SMG6: variants seen among roughly 807,000 people sequenced by gnomAD.
SMG6 encodes the protein SMG6 nonsense mediated mRNA decay factor, also known as telomerase-binding protein EST1A.
In SMG6, 66 loss-of-function variants were observed where a neutral mutation model predicts 142.2. That is an observed-to-expected ratio of 0.46 (90% CI 0.38 to 0.57). The LOEUF is 0.57. Among genes scored for constraint, SMG6 ranks in the 20% least tolerant of loss-of-function variants. The pLI, the probability that SMG6 is intolerant of heterozygous loss-of-function variation, is 0.00. For synonymous variants in SMG6, 779 were observed against 702.4 expected (o/e 1.11, Z -1.72); for missense variants, 1,793 against 1,832.0 (o/e 0.98, Z 0.39).
rs527533546 is a variant in SMG6, at chr17:2,236,570, G to C, written c.2791C>G (p.Pro931Ala). The C allele has an allele frequency of 1.2e-6, 2 of 1,613,664 alleles. No individual in the cohort carries two copies. Among genetic ancestry groups the C allele is most frequent in the Admixed American group, 1.7e-5 (1 of 59,948 alleles). Residue 931 changes from proline (P) to alanine (A), a missense_variant, in exon 10 of 19, where the codon CCC becomes GCC. This residue lies in a region of SMG6 where 1,597 missense variants were observed against 1,584.6 expected (regional missense o/e 1.01). Transcript: ENST00000263073. ...KEFQVLLQHS[P>A]SPIGSTRMLQ... The stretch of plus-strand genomic sequence containing the variant: ...ATGCGGGTACTTCCAATGGGAGAGG[G>C]GCTGTGCTGCAGTAACACCTGGAAC...
intron 8 of SMG6, 46 bp downstream of exon 8, chr17:2,282,601 G>A: frequency 6.3e-7 from 1 of 1,590,886 alleles, no homozygotes; most frequent in Non-Finnish European, 8.6e-7. Flanking sequence ...GGGCACCCAG[G>A]CTTACTGAGC....
At chr17:2,208,161 A>G (rs1354937523) in intron 10 of SMG6, among the ~76,000 whole-genome samples, 1 of 152,162 alleles carries the variant, frequency 6.6e-6, no homozygotes, top group South Asian at 2.1e-4. Flanking sequence ...AGGGTCCCAC[A>G]TCAAAAGATG....
At chr17:2,250,086 G>C (rs2074013167) in intron 8 of SMG6, among the ~76,000 whole-genome samples, 1 of 152,324 alleles carries the variant, frequency 6.6e-6, no homozygotes, top group African/African-American at 2.4e-5. Context: ...CACAAGCCTT[G>C]AAAGTTATCA....
intron 13 of SMG6, among the ~76,000 whole-genome samples, chr17:2,095,942 G>A (rs2068844272): frequency 6.6e-6 from 1 of 150,876 alleles, no homozygotes; most frequent in South Asian, 2.1e-4. Flanking sequence ...TACCCTGCAG[G>A]CTGTCTGCTT....
At chr17:2,283,505 A>C (rs921068051) in intron 7 of SMG6, 120 bp downstream of exon 7, 2 of 776,208 alleles carry the variant, frequency 2.6e-6, no homozygotes, top group Non-Finnish European at 4.5e-6. Context: ...CTGAGCAATA[A>C]CTGCACCTTG....
At position 2,255,599 on chromosome 17, in the gene SMG6, G is replaced by A. The variant is rs562468315; in HGVS notation, c.2662-10880C>T. The A allele has an allele frequency of 1.5e-4, 24 of 157,588 alleles. No individual in the cohort carries two copies. In the East Asian group the frequency reaches 2.8e-3, roughly 18 times the overall value. The allele number at this position is 157,588 out of a possible 1,614,324, so 9.8% of individuals were successfully genotyped here. A position where few individuals can be genotyped will look rare whatever the true frequency, so the allele number is the denominator to read the frequency against. ...CTCCGCCCGGCCAGCCGCCCCGTCCGGGAGGTGGGGGGCACCTCTGCCCGG... is the reference window on the plus strand; with the variant it reads ...CTCCGCCCGGCCAGCCGCCCCGTCCAGGAGGTGGGGGGCACCTCTGCCCGG... On this transcript the variant is annotated intron_variant, in intron 8 of 18. Transcript: ENST00000263073.
At chr17:2,103,572 T>C (rs1027720034) in intron 13 of SMG6, among the ~76,000 whole-genome samples, 2 of 152,226 alleles carry the variant, frequency 1.3e-5, no homozygotes, top group African/African-American at 4.8e-5. Context: ...AGACTTATAC[T>C]GATGTTTTAA....
chr17:2,100,060 C>CA (rs1274784138), intron 13 of SMG6, among the ~76,000 whole-genome samples: 1 of 140,846 alleles, frequency 7.1e-6, no homozygotes, highest in African/African-American at 2.7e-5. Flanking sequence ...TTTTTCGAGA[C>CA]AGTGTCTTGC....
At chr17:2,083,280 T>C (rs1327340587) in intron 14 of SMG6, among the ~76,000 whole-genome samples, 1 of 152,176 alleles carries the variant, frequency 6.6e-6, no homozygotes, top group Non-Finnish European at 1.5e-5. Flanking sequence ...ATGGAATCTC[T>C]TGACTGAAAG....
At chr17:2,104,372 A>G (rs2069097310) in intron 13 of SMG6, among the ~76,000 whole-genome samples, 1 of 152,208 alleles carries the variant, frequency 6.6e-6, no homozygotes, top group Admixed American at 6.5e-5. Flanking sequence ...CTGGGATTAC[A>G]AGCTTGAGCC....
At chr17:2,157,195 G>C (rs564876612) in intron 13 of SMG6, among the ~76,000 whole-genome samples, 54 of 152,272 alleles carry the variant, frequency 3.5e-4, no homozygotes, top group Middle Eastern at 3.4e-3. Context: ...AAAAACTCTG[G>C]CAAGATTAGG....
intron 13 of SMG6, among the ~76,000 whole-genome samples, chr17:2,156,249 C>T (rs1231234945): frequency 6.6e-6 from 1 of 150,830 alleles, no homozygotes; most frequent in South Asian, 2.1e-4. Context: ...AAAAATTAGC[C>T]GGGCGTGGTC....
At chr17:2,303,105 G>A (rs2075321338) in intron 1 of SMG6, 1 of 985,452 alleles carries the variant, frequency 1.0e-6, no homozygotes. Flanking sequence ...GGCCAAACCC[G>A]AGTAGTCTGA....
intron 12 of SMG6, among the ~76,000 whole-genome samples, chr17:2,178,170 AC>A (rs1256301588): frequency 6.6e-6 from 1 of 152,224 alleles, no homozygotes; most frequent in Non-Finnish European, 1.5e-5. Flanking sequence ...TGATTCTGGT[AC>A]CTCAGTGCTA....
At chr17:2,198,309 A>G (rs73979425) in intron 10 of SMG6, among the ~76,000 whole-genome samples, 2,590 of 152,300 alleles carry the variant, frequency 0.017, 69 homozygotes, top group African/African-American at 0.058. Context: ...TGGAAAACAG[A>G]TTAGTGGTTG....
chr17:2,188,961 C>T (rs1352879207), intron 10 of SMG6, among the ~76,000 whole-genome samples: 1 of 152,176 alleles, frequency 6.6e-6, no homozygotes, highest in Non-Finnish European at 1.5e-5. Context: ...TGCCATACCA[C>T]CCTGAACGCG....
intron 8 of SMG6, among the ~76,000 whole-genome samples, chr17:2,266,942 T>C (rs2074434602): frequency 6.6e-6 from 1 of 152,120 alleles, no homozygotes; most frequent in African/African-American, 2.4e-5. Flanking sequence ...TCTGACCTTC[T>C]TTGAGGATCC....
chr17:2,245,919 A>G (rs531081904), intron 8 of SMG6, among the ~76,000 whole-genome samples: 6 of 152,324 alleles, frequency 3.9e-5, no homozygotes, highest in Admixed American at 2.6e-4. Flanking sequence ...GGCTCAAGCA[A>G]TCCTCCTGCC....
Position 2,297,109 on chromosome 17 carries a change from T to G in SMG6, c.2151+134A>C. 5 of 536,662 alleles carry G rather than the reference T, an allele frequency of 9.3e-6. No individual in the cohort carries two copies. The South Asian group carries it at 1.8e-4, about 19-fold the overall frequency. The allele number at this position is 536,662 out of a possible 1,614,324, so 33.2% of individuals were successfully genotyped here. ...TATGACATTACAATTGTTGGTTTAA[T>G]CTATCTGTCCCTGCACTGAACTGTA... is the stretch of plus-strand genomic sequence containing the variant. On this transcript the variant is annotated intron_variant, in intron 4 of 18. Coordinates refer to ENST00000263073, the MANE Select transcript of SMG6 (RefSeq NM_017575.5).
Sources: gnomAD v4.1 joint callset for allele counts (sites outside exome capture counted in the v4.1 genomes callset) on GRCh38, gnomAD v4.1.1 for gene constraint, gnomAD v4.1.1 regional missense constraint, MANE v1.5 for transcripts, NCBI Gene and HGNC (gene_info 2026-07-23, HGNC 2026-07-21) for gene names.